The following IRAK2 variants were observed in gnomAD, a reference collection of about 807,000 sequenced individuals.
IRAK2 encodes the protein interleukin-1 receptor-associated kinase-like 2.
A neutral mutation model predicts 72.0 loss-of-function variants in IRAK2; 57 were observed. The observed-to-expected ratio is 0.79, with a 90% confidence interval of 0.64 to 0.99. The LOEUF (loss-of-function observed/expected upper bound fraction) is 0.99. Among genes scored for constraint, IRAK2 ranks in the 50% least tolerant of loss-of-function variants. IRAK2 has a pLI of 0.00. For missense variants in IRAK2, 790 were observed against 794.4 expected (o/e 0.99, Z 0.07); for synonymous variants, 293 against 312.7 (o/e 0.94, Z 0.67).
chr3:10,229,482 G>C (rs555484458), intron 10 of IRAK2, among the ~76,000 whole-genome samples: 2 of 152,210 alleles, frequency 1.3e-5, no homozygotes, highest in South Asian at 2.1e-4. Context: ...GAATATTTTT[G>C]TCACCCCAGA....
intron 11 of IRAK2, among the ~76,000 whole-genome samples, chr3:10,236,013 C>T (rs992671436): frequency 6.6e-6 from 1 of 152,154 alleles, no homozygotes; most frequent in Non-Finnish European, 1.5e-5. Flanking sequence ...AAGGCAGACC[C>T]AGGTCCACGC....
intron 1 of IRAK2, among the ~76,000 whole-genome samples, chr3:10,172,521 G>C (rs1407974380): frequency 9.8e-6 from 1 of 101,544 alleles, no homozygotes; most frequent in Non-Finnish European, 2.0e-5. Flanking sequence ...TGGGCAACAA[G>C]AGTAAAACTC....
At chr3:10,224,292 G>A (rs929826036) in intron 9 of IRAK2, among the ~76,000 whole-genome samples, 10 of 150,102 alleles carry the variant, frequency 6.7e-5, no homozygotes, top group South Asian at 6.3e-4. Context: ...AGCCGAGATC[G>A]CGCCATTGCA....
intron 3 of IRAK2, among the ~76,000 whole-genome samples, chr3:10,203,945 G>C (rs1559446540): frequency 6.6e-6 from 1 of 152,212 alleles, no homozygotes; most frequent in Non-Finnish European, 1.5e-5. Flanking sequence ...TGTGAGCAGA[G>C]GAGCCATGGA....
chr3:10,240,231 C>A (rs1027571599), intron 12 of IRAK2, among the ~76,000 whole-genome samples: 3 of 151,450 alleles, frequency 2.0e-5, no homozygotes, highest in African/African-American at 4.9e-5. Context: ...CTGAGGCGGG[C>A]AGATCACGAG....
intron 10 of IRAK2, 32 bp from the exon 11 acceptor site, chr3:10,234,427 A>G: frequency 6.3e-7 from 1 of 1,594,294 alleles, no homozygotes; most frequent in Non-Finnish European, 8.6e-7. Context: ...TCTGCAGCTC[A>G]CGCAAGGGCG....
At chr3:10,166,249 T>G (rs545617263) in intron 1 of IRAK2, among the ~76,000 whole-genome samples, 16 of 152,364 alleles carry the variant, frequency 1.1e-4, no homozygotes, top group African/African-American at 3.8e-4. Flanking sequence ...CCTAATAGAT[T>G]CAGTGTGTAT....
At chr3:10,185,518 A>ATTG (rs1697060909) in intron 2 of IRAK2, among the ~76,000 whole-genome samples, 1 of 129,250 alleles carries the variant, frequency 7.7e-6, no homozygotes, top group South Asian at 2.6e-4. Flanking sequence ...AGATCGCACC[A>ATTG]TTGTACTCCA....
intron 11 of IRAK2, among the ~76,000 whole-genome samples, chr3:10,235,716 C>A (rs1043068570): frequency 6.6e-6 from 1 of 152,126 alleles, no homozygotes; most frequent in African/African-American, 2.4e-5. Flanking sequence ...AAAAAATCTT[C>A]AATAACCACT....
intron 2 of IRAK2, among the ~76,000 whole-genome samples, chr3:10,194,646 G>A (rs1305371742): frequency 1.3e-5 from 2 of 152,166 alleles, no homozygotes; most frequent in Admixed American, 6.6e-5. Flanking sequence ...CAGGTTTGGA[G>A]GGATGAGGAC....
intron 12 of IRAK2, among the ~76,000 whole-genome samples, chr3:10,241,039 T>C (rs1698051897): frequency 6.6e-6 from 1 of 151,432 alleles, no homozygotes; most frequent in Admixed American, 6.6e-5. Context: ...ACATCATAAA[T>C]AGGAACAGGG....
At chr3:10,183,896 A>G in intron 2 of IRAK2, among the ~76,000 whole-genome samples, 1 of 152,082 alleles carries the variant, frequency 6.6e-6, no homozygotes, top group East Asian at 1.9e-4. Context: ...CAGGTTCACT[A>G]CTGTAAAACA....
rs529975387 is a variant in IRAK2 at position 10,197,985 on chromosome 3, G to A, written c.278-2384G>A. On this transcript the variant is annotated intron_variant, in intron 2 of 12. Coordinates refer to ENST00000256458, the MANE Select transcript of IRAK2 (RefSeq NM_001570.4). ...GAGGCTGAGGAGGGCGGATCATGAC[G>A]TCAGGAGATCGAGACCATCCTGGCT... 1.4e-4 allele frequency among the ~76,000 whole-genome samples: 21 copies of A among 151,448 alleles called. No homozygotes were observed. The East Asian group carries it at 3.9e-3, about 28-fold the overall frequency.
rs1260261010 is a variant in IRAK2 at position 10,209,635 on chromosome 3, T to C, written c.471T>C (p.Pro157=). Residue 157 remains proline, a synonymous_variant, in exon 4 of 13, where the codon CCT becomes CCC. Transcript: ENST00000256458. ...RAHQPAFLQP[P]EEDAPHSLRS... ...ACCAGCCGGCCTTTCTCCAGCCTCC[T>C]GAAGAAGATGCCCCTCATTCCTTGA... 1.3e-6 allele frequency: 2 copies of C among 1,571,162 alleles called. No homozygotes were observed. Among genetic ancestry groups the C allele is most frequent in the Non-Finnish European group, 1.7e-6 (2 of 1,160,878 alleles).
At chr3:10,177,746 C>A in intron 1 of IRAK2, 92 bp from the exon 2 acceptor site, 1 of 1,279,102 alleles carries the variant, frequency 7.8e-7, no homozygotes, top group South Asian at 1.2e-5. Flanking sequence ...GGGAGGATGT[C>A]CTGGAAAAGC....
intron 10 of IRAK2, 95 bp downstream of exon 10, chr3:10,226,528 T>G: frequency 2.1e-6 from 2 of 968,526 alleles, no homozygotes; most frequent in Non-Finnish European, 1.6e-6. Flanking sequence ...GTTTTACACA[T>G]GCAAATGAGG....
At chr3:10,207,557 G>T (rs955119396) in intron 3 of IRAK2, among the ~76,000 whole-genome samples, 2 of 151,996 alleles carry the variant, frequency 1.3e-5, no homozygotes, top group Non-Finnish European at 2.9e-5. Flanking sequence ...CCCCCTACCA[G>T]ATGGCCTCAT....
At chr3:10,170,982 A>T (rs1437965300) in intron 1 of IRAK2, among the ~76,000 whole-genome samples, 1 of 152,190 alleles carries the variant, frequency 6.6e-6, no homozygotes, top group Non-Finnish European at 1.5e-5. Context: ...GCTGATGGTG[A>T]TACTGGGAGA....
intron 1 of IRAK2, among the ~76,000 whole-genome samples, chr3:10,165,820 T>A (rs924933198): frequency 7.1e-6 from 1 of 140,926 alleles, no homozygotes; most frequent in Non-Finnish European, 1.5e-5. Flanking sequence ...AAGCTCCGCC[T>A]CCCGGGTTCA....
Sources: gnomAD v4.1 joint callset for allele counts (sites outside exome capture counted in the v4.1 genomes callset) on GRCh38, gnomAD v4.1.1 for gene constraint, MANE v1.5 for transcripts, NCBI Gene and HGNC (gene_info 2026-07-23, HGNC 2026-07-21) for gene names.